The following ZNF655 variants were observed in gnomAD, a reference collection of about 807,000 sequenced individuals.
The protein encoded by ZNF655 is zinc finger protein 655, also known as Vav-interacting Kruppel-like protein 1.
A neutral mutation model predicts 6.6 loss-of-function variants in ZNF655; 3 were observed. The observed-to-expected ratio is 0.46, with a 90% CI of 0.21 to 1.18. ZNF655 has a LOEUF of 1.18. ZNF655 is among the 50% of genes most tolerant of loss of function. The probability of loss-of-function intolerance (pLI) is 0.24; values close to 1 mark genes in which losing one functional copy is unlikely to be tolerated. For missense variants in ZNF655, 526 were observed against 572.3 expected (o/e 0.92, Z 0.83); for synonymous variants, 178 against 195.0 (o/e 0.91, Z 0.73).
chr7:99,562,124 C>G, intron 2 of ZNF655: 1 of 791,552 alleles, frequency 1.3e-6, no homozygotes, highest in Non-Finnish European at 1.9e-6. Flanking sequence ...ACCTGGACTT[C>G]ACATAAACCA....
At chr7:99,565,245 C>T (rs373886558) in intron 2 of ZNF655, among the ~76,000 whole-genome samples, 26 of 151,982 alleles carry the variant, frequency 1.7e-4, no homozygotes, top group African/African-American at 5.8e-4. Flanking sequence ...CTCTGCTCAC[C>T]GCAAGCTCCA....
At chr7:99,560,095 T>C (rs1463291489) in intron 1 of ZNF655, among the ~76,000 whole-genome samples, 2 of 151,166 alleles carry the variant, frequency 1.3e-5, no homozygotes, top group Non-Finnish European at 3.0e-5. Context: ...TTTCTTTTTT[T>C]TTTTTTTGGG....
intron 2 of ZNF655, among the ~76,000 whole-genome samples, chr7:99,562,729 G>T (rs185647789): frequency 6.6e-6 from 1 of 152,070 alleles, no homozygotes; most frequent in Non-Finnish European, 1.5e-5. Flanking sequence ...TATGGCCATT[G>T]TGGGGCATCT....
At chr7:99,567,531 C>T (rs1169763696) in intron 2 of ZNF655, among the ~76,000 whole-genome samples, 1 of 86,884 alleles carries the variant, frequency 1.2e-5, no homozygotes, top group African/African-American at 4.2e-5. Context: ...AACTCCGTCT[C>T]AAAAAAAAAA....
Position 99,573,047 on chromosome 7 carries a change from T to G in ZNF655, c.939T>G (p.Ser313Arg). Residue 313 changes from serine to arginine, a missense_variant, in exon 3 of 3, where the codon AGT (serine) becomes AGG (arginine). Coordinates refer to ENST00000252713, the MANE Select transcript of ZNF655 (RefSeq NM_138494.3). ...YKCSSCERVF[S>R]RSVHLTQHQK... ...GTAGCAGTTGTGAAAGAGTCTTCAG[T>G]CGTAGTGTCCACCTTACTCAACATC... 1 of 1,614,172 alleles carries G rather than the reference T, an allele frequency of 6.2e-7. No individual in the cohort carries two copies. The highest frequency in any genetic ancestry group is 8.5e-7 in the Non-Finnish European group (1 of 1,180,004).
intron 2 of ZNF655, among the ~76,000 whole-genome samples, chr7:99,568,482 C>A (rs1460630826): frequency 1.3e-5 from 2 of 152,022 alleles, no homozygotes; most frequent in Non-Finnish European, 2.9e-5. Context: ...GATCTCCTGA[C>A]CTTGTGATCT....
chr7:99,573,527 C>T lies in ZNF655; in HGVS notation c.1419C>T (p.Ser473=). The T allele has an allele frequency of 6.2e-7, 1 of 1,610,182 alleles. No individual in the cohort carries two copies. The highest frequency in any genetic ancestry group is 8.5e-7 in the Non-Finnish European group (1 of 1,179,950). Residue 473 remains serine (S), a synonymous_variant, in exon 3 of 3, where the codon TCC becomes TCT. Transcript: ENST00000252713. ...ATTGTGATGTATGGGAAAAGAACTCCAGTCAGAGAGCACATCTAGTTCAAC... is the reference window on the plus strand; with the variant it reads ...ATTGTGATGTATGGGAAAAGAACTCTAGTCAGAGAGCACATCTAGTTCAAC... The part of the protein sequence containing the change: ...AFDCDVWEKN[S]SQRAHLVQHQ...
At chr7:99,562,376 G>A in intron 2 of ZNF655, 1 of 1,614,108 alleles carries the variant, frequency 6.2e-7, no homozygotes, top group Non-Finnish European at 8.5e-7. Context: ...AGGAGTTTGT[G>A]ACATTCGAGG....
chr7:99,560,931 GT>G, intron 2 of ZNF655: 1 of 379,566 alleles, frequency 2.6e-6, no homozygotes, highest in Non-Finnish European at 4.6e-6. Context: ...CGCTGTGGTG[GT>G]TTTTCCTTCA....
intron 2 of ZNF655, chr7:99,564,805 C>A: frequency 1.5e-6 from 1 of 657,572 alleles, no homozygotes; most frequent in Non-Finnish European, 1.9e-6. Context: ...CCTCTCTTAT[C>A]TCTGCACTGC....
intron 2 of ZNF655, 42 bp downstream of exon 2, chr7:99,560,737 C>CG: frequency 6.3e-7 from 1 of 1,599,722 alleles, no homozygotes; most frequent in Non-Finnish European, 8.5e-7. Context: ...AGTGGGAGTG[C>CG]GGAGGGGCTC....
In ZNF655 at chr7:99,560,606, A is replaced by T; in HGVS notation, c.47A>T (p.Gln16Leu). The stretch of plus-strand genomic sequence containing the variant: ...GAAGCAGCAGGGTCACCAAGGGTCC[A>T]GTTTCAGTCTTTGGAGACCCAGTCT... ...AQEAAGSPRV[Q>L]FQSLETQSEC... The change falls in exon 2 of 3, where the codon CAG becomes CTG. Residue 16 changes from glutamine to leucine, a missense_variant. Gln to Leu is a moderately radical substitution (Grantham distance 113). Coordinates refer to ENST00000252713, the MANE Select transcript of ZNF655 (RefSeq NM_138494.3). 3 of 1,614,230 alleles carry T rather than the reference A, an allele frequency of 1.9e-6. No homozygotes were observed. Among genetic ancestry groups the T allele is most frequent in the Admixed American group, 3.3e-5 (2 of 60,026 alleles).
In ZNF655 at chr7:99,574,886, A is replaced by G. The variant is rs961364355; in HGVS notation, c.*1302A>G. On this transcript the variant is annotated 3_prime_UTR_variant, in exon 3 of 3. Coordinates refer to ENST00000252713, the MANE Select transcript of ZNF655 (RefSeq NM_138494.3). ...AGTTTTAAGTGTTTCACCAGCAAGT[A>G]TTCCATACCTACTTGATGTTGCTGG... 5 of 152,236 alleles carry G rather than the reference A, an allele frequency of 3.3e-5. No individual in the cohort carries two copies. Among genetic ancestry groups the G allele is most frequent in the African/African-American group, 1.2e-4 (5 of 41,454 alleles). The allele number at this position is 152,236 out of a possible 1,614,324, so 9.4% of individuals were successfully genotyped here. A position where few individuals can be genotyped will look rare whatever the true frequency, so the allele number is the denominator to read the frequency against.
intron 2 of ZNF655, chr7:99,564,266 C>G: frequency 7.5e-7 from 1 of 1,337,320 alleles, no homozygotes; most frequent in Non-Finnish European, 9.5e-7. Context: ...CCAGAAATTC[C>G]AAATTCAGCT....
chr7:99,569,715 A>G (rs979681853), intron 2 of ZNF655, among the ~76,000 whole-genome samples: 1 of 152,208 alleles, frequency 6.6e-6, no homozygotes, highest in African/African-American at 2.4e-5. Context: ...GTAAAACTTA[A>G]TAATATTTTG....
rs755116736 is a variant in ZNF655, at chr7:99,560,654, A to T, written c.95A>T (p.Gln32Leu). ...TQSECLSPEPQFVQDTDMEQG... is the reference protein window; with the variant it reads ...TQSECLSPEPLFVQDTDMEQG... ...TCTGAGTGTCTGTCCCCAGAGCCTCAGTTTGTGCAGGACACCGACATGGAA... is the reference window on the plus strand; with the variant it reads ...TCTGAGTGTCTGTCCCCAGAGCCTCTGTTTGTGCAGGACACCGACATGGAA... The change falls in exon 2 of 3, where the codon CAG becomes CTG. Residue 32 changes from glutamine (Q) to leucine (L), a missense_variant. Transcript: ENST00000252713. 44 of 1,614,006 alleles carry T rather than the reference A, an allele frequency of 2.7e-5. 1 individual carries two copies. The highest frequency in any genetic ancestry group is 2.0e-4 in the South Asian group (18 of 91,074).
chr7:99,563,561 A>G (rs909781750), intron 2 of ZNF655, among the ~76,000 whole-genome samples: 2 of 151,882 alleles, frequency 1.3e-5, no homozygotes, highest in Non-Finnish European at 2.9e-5. Context: ...CAAGTGATCC[A>G]CCTTCCTTGG....
At chr7:99,568,745 A>G (rs1453433013) in intron 2 of ZNF655, among the ~76,000 whole-genome samples, 14 of 150,158 alleles carry the variant, frequency 9.3e-5, no homozygotes, top group Admixed American at 8.0e-4. Flanking sequence ...CGTGTGAGCC[A>G]CCATGCCTGG....
Position 99,561,914 on chromosome 7 carries a change from C to CT in ZNF655, c.136+1221dup, listed in dbSNP as rs747957912. On this transcript the variant is annotated intron_variant, in intron 2 of 2. Coordinates refer to ENST00000252713, the MANE Select transcript of ZNF655 (RefSeq NM_138494.3). ...TCCACCTGTTCCTCAGGTGCCTGCT[C>CT]TTCCCCGTGAGGGAAGCCCAGGAGA... is the stretch of plus-strand genomic sequence containing the variant. The CT allele has an allele frequency of 1.1e-5, 17 of 1,593,344 alleles. No individual in the cohort carries two copies. In the East Asian group the frequency reaches 3.3e-4, roughly 30 times the overall value.
Sources: allele counts gnomAD v4.1 joint callset (sites outside exome capture counted in the v4.1 genomes callset), GRCh38; gene constraint gnomAD v4.1.1; transcripts MANE v1.5; gene names NCBI Gene and HGNC (gene_info 2026-07-23, HGNC 2026-07-21).